IL1RAPL1: variants seen among roughly 807,000 people sequenced by gnomAD.
IL1RAPL1 encodes interleukin-1 receptor accessory protein-like 1.
Under a neutral mutation model 48.4 loss-of-function variants are expected in IL1RAPL1, and 3 were observed. That is an observed-to-expected ratio of 0.06 (90% CI 0.03 to 0.16). The LOEUF is 0.16. Among genes scored for constraint, IL1RAPL1 ranks in the 10% least tolerant of loss-of-function variants. IL1RAPL1 has a pLI of 1.00. For synonymous variants in IL1RAPL1, 185 were observed against 187.7 expected, an observed-to-expected ratio of 0.99 and a Z score of 0.12; for missense variants, 349 against 530.6, an observed-to-expected ratio of 0.66 and a Z score of 3.36.
At chrX:29,366,910 G>A (rs1382538565) in intron 3 of IL1RAPL1, among the ~76,000 whole-genome samples, 4 of 110,567 alleles carry the variant, frequency 3.6e-5, no homozygotes, top group African/African-American at 1.3e-4. Context: ...GAGAAAATCA[G>A]GAAGATAACA....
intron 2 of IL1RAPL1, among the ~76,000 whole-genome samples, chrX:29,232,913 C>T (rs1203724677): frequency 9.1e-6 from 1 of 110,192 alleles, no homozygotes; most frequent in Non-Finnish European, 1.9e-5. Flanking sequence ...ATTCTCCTGT[C>T]TCGGCCTCCC....
At chrX:29,506,441 C>CCTCCTT (rs2147763347) in intron 5 of IL1RAPL1, among the ~76,000 whole-genome samples, 1 of 105,782 alleles carries the variant, frequency 9.5e-6, no homozygotes, top group South Asian at 4.4e-4. Context: ...TTCTCCTTCT[C>CCTCCTT]CTCCTCCTCC....
intron 2 of IL1RAPL1, among the ~76,000 whole-genome samples, chrX:28,892,702 T>C (rs971535306): frequency 8.8e-4 from 97 of 110,345 alleles, no homozygotes; most frequent in African/African-American, 1.1e-3. Context: ...CGAGGTGGAT[T>C]AGGGGCGGCG....
chrX:29,882,455 A>C (rs1932051057), intron 6 of IL1RAPL1, among the ~76,000 whole-genome samples: 1 of 111,967 alleles, frequency 8.9e-6, no homozygotes, highest in African/African-American at 3.2e-5. Flanking sequence ...TAGTACTGAC[A>C]TCCAGGGTTG....
At chrX:28,881,236 T>C (rs1315800022) in intron 2 of IL1RAPL1, among the ~76,000 whole-genome samples, 1 of 112,300 alleles carries the variant, frequency 8.9e-6, no homozygotes, top group Admixed American at 9.5e-5. Flanking sequence ...TTTTGGTTTG[T>C]TTTCAGCCAG....
At chrX:29,206,105 G>C (rs934459110) in intron 2 of IL1RAPL1, among the ~76,000 whole-genome samples, 3 of 111,536 alleles carry the variant, frequency 2.7e-5, no homozygotes, top group African/African-American at 9.8e-5. Flanking sequence ...AGTGGAGAAA[G>C]TAATTACCTG....
intron 5 of IL1RAPL1, among the ~76,000 whole-genome samples, chrX:29,442,185 C>T (rs899571479): frequency 8.9e-6 from 1 of 112,030 alleles, no homozygotes; most frequent in African/African-American, 3.3e-5. Flanking sequence ...GTCACCAAAA[C>T]AGCATGGTGC....
intron 1 of IL1RAPL1, among the ~76,000 whole-genome samples, chrX:28,667,081 T>G (rs1213050663): frequency 8.9e-6 from 1 of 111,953 alleles, no homozygotes; most frequent in East Asian, 2.8e-4. Context: ...AAGAAAACCA[T>G]TTTTTATTGA....
chrX:28,797,274 C>T (rs994186983), intron 2 of IL1RAPL1, among the ~76,000 whole-genome samples: 57 of 111,936 alleles, frequency 5.1e-4, no homozygotes, highest in African/African-American at 1.8e-3. Flanking sequence ...GATTAACATT[C>T]GGTTCCTCAT....
intron 5 of IL1RAPL1, among the ~76,000 whole-genome samples, chrX:29,494,876 A>T (rs1467326106): frequency 8.9e-6 from 1 of 112,092 alleles, no homozygotes; most frequent in African/African-American, 3.2e-5. Flanking sequence ...TTAAGCCTCA[A>T]TTTCCATTTA....
chrX:29,354,622 C>A (rs1933278431), intron 3 of IL1RAPL1, among the ~76,000 whole-genome samples: 1 of 112,096 alleles, frequency 8.9e-6, no homozygotes, highest in South Asian at 3.6e-4. Context: ...GAAGATCACA[C>A]AAATATCACT....
At chrX:29,156,602 C>A (rs1929575092) in intron 2 of IL1RAPL1, among the ~76,000 whole-genome samples, 1 of 111,233 alleles carries the variant, frequency 9.0e-6, no homozygotes, top group Non-Finnish European at 1.9e-5. Flanking sequence ...GGCGTAAAAA[C>A]CTCATTCCCC....
At chrX:29,133,968 C>T (rs186805528) in intron 2 of IL1RAPL1, among the ~76,000 whole-genome samples, 1 of 111,601 alleles carries the variant, frequency 9.0e-6, no homozygotes, top group East Asian at 2.8e-4. Context: ...TGGCTTATTT[C>T]ACTTAGTGAT....
intron 6 of IL1RAPL1, among the ~76,000 whole-genome samples, chrX:29,803,516 T>C (rs913603875): frequency 1.0e-5 from 1 of 99,500 alleles, no homozygotes; most frequent in Non-Finnish European, 2.0e-5. Flanking sequence ...TGTATATATG[T>C]ATATATGTAT....
At chrX:29,480,312 A>ATATATATATATATG (rs1319611496) in intron 5 of IL1RAPL1, among the ~76,000 whole-genome samples, 4 of 101,936 alleles carry the variant, frequency 3.9e-5, no homozygotes, top group African/African-American at 1.5e-4. Flanking sequence ...ATATATATAT[A>ATATATATATATATG]TATATGCATA....
chrX:28,768,822 G>GTATA (rs1215469886), intron 1 of IL1RAPL1, among the ~76,000 whole-genome samples: 3 of 52,799 alleles, frequency 5.7e-5, no homozygotes, highest in African/African-American at 2.4e-4. Flanking sequence ...TAATGTGTGT[G>GTATA]TGTATATATA....
At chrX:28,610,501 G>T (rs1934134262) in intron 1 of IL1RAPL1, among the ~76,000 whole-genome samples, 1 of 112,750 alleles carries the variant, frequency 8.9e-6, no homozygotes, top group South Asian at 3.6e-4. Flanking sequence ...AATCCATGCA[G>T]AATTGACTTT....
intron 8 of IL1RAPL1, among the ~76,000 whole-genome samples, chrX:29,925,412 GTTTTT>G (rs763481708): frequency 3.5e-4 from 4 of 11,464 alleles, no homozygotes; most frequent in Non-Finnish European, 4.4e-4. Flanking sequence ...TCCCGTAACT[GTTTTT>G]TTTTTTTTTT....
intron 1 of IL1RAPL1, among the ~76,000 whole-genome samples, chrX:28,598,745 C>T (rs56206548): frequency 0.45 from 47,491 of 105,637 alleles, 8,085 homozygotes; most frequent in East Asian, 0.61. Flanking sequence ...TCTCCTCCCT[C>T]AGCCTCCCGA....
Sources: gnomAD v4.1 joint callset for allele counts (sites outside exome capture counted in the v4.1 genomes callset) on GRCh38, gnomAD v4.1.1 for gene constraint, MANE v1.5 for transcripts, NCBI Gene and HGNC (gene_info 2026-07-23, HGNC 2026-07-21) for gene names.